Variants in RBL1 observed in about 807,000 individuals in gnomAD.
The protein encoded by RBL1 is retinoblastoma-like protein 1.
In RBL1, 82 loss-of-function variants were observed where a neutral mutation model predicts 123.0. That is an observed-to-expected ratio of 0.67 (90% CI 0.56 to 0.80). The LOEUF (loss-of-function observed/expected upper bound fraction) is 0.80. RBL1 is among the 30% of genes least tolerant of loss of function. The probability of loss-of-function intolerance (pLI) is 0.00; values close to 1 mark genes in which losing one functional copy is unlikely to be tolerated. For synonymous variants in RBL1, 405 were observed against 441.3 expected (o/e 0.92, Z 1.03); for missense variants, 1,171 against 1,299.6 (o/e 0.90, Z 1.52).
chr20:37,083,433 C>T (rs187515329), intron 2 of RBL1, among the ~76,000 whole-genome samples: 1 of 151,114 alleles, frequency 6.6e-6, no homozygotes, highest in Non-Finnish European at 1.5e-5. Flanking sequence ...CGCGACAATG[C>T]ACTCCAGCCT....
At chr20:37,045,081 C>CTTATTTATTTATTTAT (rs373003508) in intron 12 of RBL1, among the ~76,000 whole-genome samples, 1 of 146,172 alleles carries the variant, frequency 6.8e-6, no homozygotes. Flanking sequence ...CATTTATTTA[C>CTTATTTATTTATTTAT]TTATTTATTT....
chr20:37,086,554 A>G lies in RBL1; in HGVS notation c.290+2435T>C, dbSNP rs976634874. Reference sequence around the variant, plus strand: ...AAACTCCGTCTCAAAAAATAAAAATAAAAAAAAATTTAAATTTAGCATCAA... The same window carrying G: ...AAACTCCGTCTCAAAAAATAAAAATGAAAAAAAATTTAAATTTAGCATCAA... On this transcript the variant is annotated intron_variant, in intron 2 of 21. Coordinates refer to ENST00000373664, the MANE Select transcript of RBL1 (RefSeq NM_002895.5). Among the ~76,000 whole-genome samples, 8 of 152,100 alleles carry G rather than the reference A, an allele frequency of 5.3e-5. No individual in the cohort carries two copies. In the East Asian group the frequency reaches 9.6e-4, roughly 18 times the overall value.
At chr20:37,056,098 G>T (rs778636285) in intron 10 of RBL1, 48 bp downstream of exon 10, 27 of 1,556,084 alleles carry the variant, frequency 1.7e-5, no homozygotes, top group South Asian at 2.4e-5. Flanking sequence ...AATTTTGGGG[G>T]GATTACTTAT....
intron 14 of RBL1, among the ~76,000 whole-genome samples, chr20:37,036,829 G>A (rs1002076465): frequency 3.9e-5 from 6 of 151,906 alleles, no homozygotes; most frequent in Admixed American, 6.6e-5. Context: ...GTTTCACCGT[G>A]TTAGCCAGGA....
chr20:36,999,577 A>G (rs1600425487), intron 21 of RBL1, among the ~76,000 whole-genome samples: 2 of 150,982 alleles, frequency 1.3e-5, no homozygotes, highest in African/African-American at 4.9e-5. Context: ...ATCTCGGCTC[A>G]CTGCAACCTC....
chr20:37,062,182 C>T lies in RBL1; in HGVS notation c.985G>A (p.Glu329Lys). Residue 329 changes from glutamate to lysine, a missense_variant, in exon 8 of 22, where the codon GAA becomes AAA. Glu to Lys is a moderately conservative substitution (Grantham distance 56, BLOSUM62 1). Transcript: ENST00000373664. ...GTGAACTTTCGAGGTGTTCCAATTT[C>T]CTCTTCTGCGTCTGCTCCCAAAAAG... ...RIFLGADAEE[E>K]IGTPRKFTRD... 6.2e-7 allele frequency: 1 copy of T among 1,614,182 alleles called. No homozygotes were observed. Among genetic ancestry groups the T allele is most frequent in the Non-Finnish European group, 8.5e-7 (1 of 1,180,028 alleles).
chr20:37,062,906 T>TG (rs1405725831), intron 7 of RBL1, among the ~76,000 whole-genome samples: 2 of 150,360 alleles, frequency 1.3e-5, no homozygotes, highest in African/African-American at 5.0e-5. Context: ...GGCATGAACC[T>TG]GGGAGGCGGA....
chr20:37,088,265 CAAAA>C (rs1201898782), intron 2 of RBL1, among the ~76,000 whole-genome samples: 1 of 53,602 alleles, frequency 1.9e-5, no homozygotes. Flanking sequence ...AACTCCATCT[CAAAA>C]AAAAAAAAAA....
chr20:37,075,722 C>T (rs1412828294), intron 2 of RBL1, among the ~76,000 whole-genome samples: 1 of 152,168 alleles, frequency 6.6e-6, no homozygotes, highest in East Asian at 1.9e-4. Flanking sequence ...TCCCAAAGTG[C>T]TGGGATTACA....
At chr20:37,003,896 G>A (rs763038524) in intron 20 of RBL1, 30 bp from the exon 21 acceptor site, 1 of 1,539,114 alleles carries the variant, frequency 6.5e-7, no homozygotes, top group Non-Finnish European at 8.7e-7. Flanking sequence ...AGATTTTTTA[G>A]ATAAAAGTTT....
At chr20:37,005,894 C>CTTTTTTTTTTTTTTTTTT (rs1013303071) in intron 20 of RBL1, among the ~76,000 whole-genome samples, 19 of 98,128 alleles carry the variant, frequency 1.9e-4, no homozygotes, top group Admixed American at 4.8e-4. Flanking sequence ...TTTTTTCTTT[C>CTTTTTTTTTTTTTTTTTT]TTTTTTTTTT....
rs371429058 is a variant in RBL1 at position 37,078,887 on chromosome 20, GC to G, written c.290+10101del. 5.3e-3 allele frequency among the ~76,000 whole-genome samples: 798 copies of G among 150,570 alleles called. 9 individuals are homozygous for G. The highest frequency in any genetic ancestry group is 0.018 in the African/African-American group (749 of 41,174). On this transcript the variant is annotated intron_variant, in intron 2 of 21. Transcript: ENST00000373664. ...AGTCAAGATGGTCTTTTTTTGGGGG[GC>G]GGGCAGGGGGAAGGTATATTTAACA...
At chr20:37,065,524 C>A (rs562797171) in intron 6 of RBL1, 51 bp from the exon 7 acceptor site, 29 of 1,191,252 alleles carry the variant, frequency 2.4e-5, no homozygotes, top group Non-Finnish European at 3.4e-5. Flanking sequence ...CATATTAATA[C>A]ACACACAAAC....
chr20:37,062,560 G>A (rs2065112715), intron 7 of RBL1, among the ~76,000 whole-genome samples: 1 of 142,984 alleles, frequency 7.0e-6, no homozygotes, highest in African/African-American at 2.6e-5. Context: ...AACACTAGTG[G>A]CTTTGAAATA....
intron 9 of RBL1, among the ~76,000 whole-genome samples, 175 bp from the exon 10 acceptor site, chr20:37,056,433 C>CAACCTCTT (rs2065008734): frequency 6.8e-6 from 1 of 146,778 alleles, no homozygotes; most frequent in Admixed American, 7.0e-5. Flanking sequence ...CAGTTCACTG[C>CAACCTCTT]AACCTCTTCC....
In RBL1 at chr20:37,003,738, G is replaced by C; in HGVS notation, c.3000C>G (p.Ser1000Arg). 1 of 1,613,572 alleles carries C rather than the reference G, an allele frequency of 6.2e-7. No homozygotes were observed. The highest frequency in any genetic ancestry group is 8.5e-7 in the Non-Finnish European group (1 of 1,179,796). Residue 1000 changes from serine (S) to arginine (R), a missense_variant, in exon 21 of 22, where the codon AGC becomes AGG. By Grantham distance (110) the Ser-to-Arg change is moderately radical (BLOSUM62 -1). Coordinates refer to ENST00000373664, the MANE Select transcript of RBL1 (RefSeq NM_002895.5). Reference sequence around the variant, plus strand: ...TGCCATTGAACTTGTACAGCAGAGCGCTTCTTGGTGTAAGGCCTGACCCAT... The same window carrying C: ...TGCCATTGAACTTGTACAGCAGAGCCCTTCTTGGTGTAAGGCCTGACCCAT... ...HKNGSGLTPRSALLYKFNGSP... is the reference protein window; with the variant it reads ...HKNGSGLTPRRALLYKFNGSP...
intron 21 of RBL1, among the ~76,000 whole-genome samples, chr20:37,000,807 C>T (rs1305893805): frequency 7.8e-5 from 11 of 140,900 alleles, no homozygotes; most frequent in Admixed American, 1.4e-4. Flanking sequence ...CCGCCCCGTC[C>T]GGGAGGTGAG....
intron 2 of RBL1, among the ~76,000 whole-genome samples, chr20:37,070,451 C>G (rs1254984944): frequency 6.6e-6 from 1 of 151,066 alleles, no homozygotes; most frequent in Non-Finnish European, 1.5e-5. Context: ...GTGAGAAACA[C>G]CCGAGAATTA....
intron 21 of RBL1, among the ~76,000 whole-genome samples, chr20:37,001,450 T>G (rs1185076413): frequency 4.5e-4 from 68 of 150,190 alleles, no homozygotes; most frequent in African/African-American, 1.5e-3. Flanking sequence ...CCTGTTGATC[T>G]GTGACCTTAC....
Sources: allele counts gnomAD v4.1 joint callset (sites outside exome capture counted in the v4.1 genomes callset), GRCh38; gene constraint gnomAD v4.1.1; transcripts MANE v1.5; gene names NCBI Gene and HGNC (gene_info 2026-07-23, HGNC 2026-07-21).